The following KATNAL2 variants were observed in gnomAD, a reference collection of about 807,000 sequenced individuals.
The protein encoded by KATNAL2 is katanin catalytic subunit A1 like 2.
Under a neutral mutation model 76.3 loss-of-function variants are expected in KATNAL2, and 52 were observed. That is an observed-to-expected ratio of 0.68 (90% CI 0.55 to 0.86). The LOEUF is 0.86. KATNAL2 is among the 40% of genes least tolerant of loss of function. The probability of loss-of-function intolerance (pLI) is 0.00; values close to 1 mark genes in which losing one functional copy is unlikely to be tolerated. For missense variants in KATNAL2, 660 were observed against 668.9 expected, an observed-to-expected ratio of 0.99 and a Z score of 0.15; for synonymous variants, 243 against 244.2, an observed-to-expected ratio of 1.00 and a Z score of 0.05.
intron 15 of KATNAL2, 93 bp downstream of exon 15, chr18:47,077,554 G>A: frequency 1.2e-6 from 1 of 838,932 alleles, no homozygotes; most frequent in Middle Eastern, 2.5e-4. Flanking sequence ...GCAAAGCTGT[G>A]TTGTTTGGCT....
intron 3 of KATNAL2, chr18:47,034,802 T>C (rs1380878683): frequency 2.6e-5 from 42 of 1,612,328 alleles, no homozygotes; most frequent in Non-Finnish European, 3.4e-5. Context: ...GGGCACTTTC[T>C]CTCAGCTCTG....
intron 1 of KATNAL2, among the ~76,000 whole-genome samples, chr18:46,919,292 G>C (rs2031695826): frequency 6.6e-6 from 1 of 151,948 alleles, no homozygotes; most frequent in Non-Finnish European, 1.5e-5. Flanking sequence ...TTGGAGGCCA[G>C]CCTGACCAAC....
At position 47,058,311 on chromosome 18, in the gene KATNAL2, A is replaced by G. The variant is rs368500598; in HGVS notation, c.409A>G (p.Thr137Ala). ...RPRSKTTAGKTGDTKSLNKEH... is the reference protein window; with the variant it reads ...RPRSKTTAGKAGDTKSLNKEH... ...CCGGTCCAAAACCACAGCGGGGAAGACAGGGGACACCAAATCGCTCAATAA... is the reference window on the plus strand; with the variant it reads ...CCGGTCCAAAACCACAGCGGGGAAGGCAGGGGACACCAAATCGCTCAATAA... Residue 137 changes from threonine (T) to alanine (A), a missense_variant, in exon 7 of 18, where the codon ACA becomes GCA. Physicochemically the swap from Thr to Ala is moderately conservative, Grantham distance 58. Transcript: ENST00000683218. The G allele has an allele frequency of 3.5e-5, 56 of 1,613,908 alleles. No homozygotes were observed. The highest frequency in any genetic ancestry group is 4.7e-5 in the Non-Finnish European group (56 of 1,179,896).
At position 47,034,409 on chromosome 18, in the gene KATNAL2, C is replaced by A. The variant is rs145748811; in HGVS notation, c.52-12048C>A. ...ACACGCTGGCCGCTGCCAGCTTGCCCCCCTTCCTTGTCTGTCTTGAAGTCC... is the reference window on the plus strand; with the variant it reads ...ACACGCTGGCCGCTGCCAGCTTGCCACCCTTCCTTGTCTGTCTTGAAGTCC... On this transcript the variant is annotated intron_variant, in intron 3 of 17. Transcript: ENST00000683218. The A allele has an allele frequency of 8.7e-6, 14 of 1,614,078 alleles. No homozygotes were observed. The South Asian group carries it at 1.3e-4, about 15-fold the overall frequency.
chr18:46,928,230 T>G (rs2146530458), intron 1 of KATNAL2, among the ~76,000 whole-genome samples: 2 of 152,270 alleles, frequency 1.3e-5, no homozygotes, highest in Non-Finnish European at 2.9e-5. Context: ...CTACCTTTGG[T>G]CTTTGATGAT....
chr18:47,099,252 C>T lies in KATNAL2; in HGVS notation c.1221C>T (p.Asp407=). The T allele has an allele frequency of 1.2e-6, 2 of 1,612,854 alleles. No individual in the cohort carries two copies. The highest frequency in any genetic ancestry group is 1.7e-6 in the Non-Finnish European group (2 of 1,179,324). The part of the protein sequence containing the change: ...LAASNLPWEL[D]CAMLRRLEKR... Reference sequence around the variant, plus strand: ...TCTGGTGTGATTTCAGGGAGCTGGACTGTGCCATGTTACGCCGCCTGGAGA... The same window carrying T: ...TCTGGTGTGATTTCAGGGAGCTGGATTGTGCCATGTTACGCCGCCTGGAGA... Residue 407 remains aspartate (D), a synonymous_variant, in exon 16 of 18, where the codon GAC becomes GAT. Coordinates refer to ENST00000683218, the MANE Select transcript of KATNAL2 (RefSeq NM_001387690.1).
At position 47,047,709 on chromosome 18, in the gene KATNAL2, G is replaced by C. The variant is rs543046873; in HGVS notation, c.122+1182G>C. ...AGAAAACATGTAGGTTTCAGACTAA[G>C]AGCTTACAAACTTTTTTTTTTTTGT... On this transcript the variant is annotated intron_variant, in intron 4 of 17. Transcript: ENST00000683218. Among the ~76,000 whole-genome samples the C allele has an allele frequency of 7.1e-4, 108 of 152,006 alleles. 1 individual carries two copies. The highest frequency in any genetic ancestry group is 9.0e-4 in the Non-Finnish European group (61 of 67,976).
intron 3 of KATNAL2, among the ~76,000 whole-genome samples, chr18:47,044,761 C>CAAAAAAAA (rs34331798): frequency 1.2e-5 from 1 of 82,768 alleles, no homozygotes; most frequent in African/African-American, 4.5e-5. Context: ...GATTCCTTCT[C>CAAAAAAAA]AAAAAAAAAA....
At chr18:46,954,323 C>T (rs1429505386) in intron 3 of KATNAL2, among the ~76,000 whole-genome samples, 6 of 144,668 alleles carry the variant, frequency 4.1e-5, no homozygotes, top group South Asian at 4.4e-4. Flanking sequence ...TCTTCTTCTT[C>T]GTCTTTTTTT....
chr18:47,057,744 G>A (rs1172412623), intron 6 of KATNAL2, among the ~76,000 whole-genome samples: 1 of 152,184 alleles, frequency 6.6e-6, no homozygotes. Context: ...ATAACATGCT[G>A]AGAGGTATTT....
intron 15 of KATNAL2, among the ~76,000 whole-genome samples, chr18:47,078,455 A>T (rs1211012417): frequency 6.6e-6 from 1 of 152,222 alleles, no homozygotes; most frequent in Admixed American, 6.5e-5. Context: ...TCAGCATTTT[A>T]CAATTTGAAG....
intron 3 of KATNAL2, among the ~76,000 whole-genome samples, chr18:46,948,150 G>A (rs1017256098): frequency 2.6e-5 from 4 of 151,966 alleles, no homozygotes; most frequent in African/African-American, 7.3e-5. Context: ...TTGCTCTGTC[G>A]CCCAGGCTGG....
At chr18:47,084,847 T>TAAAAAAAAAAAAAAAAAAA (rs34034453) in intron 15 of KATNAL2, among the ~76,000 whole-genome samples, 1 of 25,534 alleles carries the variant, frequency 3.9e-5, no homozygotes, top group Non-Finnish European at 6.5e-5. Context: ...AGACTCTGTC[T>TAAAAAAAAAAAAAAAAAAA]AAAAAAAAAA....
Position 47,063,074 on chromosome 18 carries a change from A to G in KATNAL2, c.648+4A>G. On this transcript the variant is annotated splice_donor_region_variant and intron_variant, in intron 9 of 17. Coordinates refer to ENST00000683218, the MANE Select transcript of KATNAL2 (RefSeq NM_001387690.1). ...CGACCATAATCCAGACCCCTCAGTAAGTGGCGAAGATGTGACATTCATCTT... is the reference window on the plus strand; with the variant it reads ...CGACCATAATCCAGACCCCTCAGTAGGTGGCGAAGATGTGACATTCATCTT... 2 of 1,612,060 alleles carry G rather than the reference A, an allele frequency of 1.2e-6. No homozygotes were observed. Among genetic ancestry groups the G allele is most frequent in the Non-Finnish European group, 1.7e-6 (2 of 1,178,178 alleles).
chr18:46,923,413 T>A (rs1395845570), intron 1 of KATNAL2, among the ~76,000 whole-genome samples: 1 of 152,124 alleles, frequency 6.6e-6, no homozygotes. Flanking sequence ...TCATTTTTTA[T>A]GGCTGCATAG....
At chr18:47,066,882 T>TATATATAA (rs2061824463) in intron 10 of KATNAL2, 139 bp from the exon 11 acceptor site, 1 of 63,074 alleles carries the variant, frequency 1.6e-5, no homozygotes, top group Non-Finnish European at 3.7e-5. Flanking sequence ...TATATATATA[T>TATATATAA]ATATATATAT....
At chr18:47,065,992 TAAAAAATTTAA>T (rs1161753747) in intron 10 of KATNAL2, among the ~76,000 whole-genome samples, 1 of 151,266 alleles carries the variant, frequency 6.6e-6, no homozygotes, top group Admixed American at 6.6e-5. Context: ...AATAAAAATT[TAAAAAATTTAA>T]AAAAAATTTT....
chr18:47,040,606 C>T (rs1368979796), intron 3 of KATNAL2, among the ~76,000 whole-genome samples: 1 of 152,010 alleles, frequency 6.6e-6, no homozygotes, highest in African/African-American at 2.4e-5. Context: ...AATAAGTTAT[C>T]AGCTTACATG....
chr18:47,042,531 A>G (rs2060997091), intron 3 of KATNAL2, among the ~76,000 whole-genome samples: 1 of 152,216 alleles, frequency 6.6e-6, no homozygotes, highest in Non-Finnish European at 1.5e-5. Context: ...ACTTTAAATC[A>G]TAAGATAATA....
Sources: gnomAD v4.1 joint callset for allele counts (sites outside exome capture counted in the v4.1 genomes callset) on GRCh38, gnomAD v4.1.1 for gene constraint, MANE v1.5 for transcripts, NCBI Gene and HGNC (gene_info 2026-07-23, HGNC 2026-07-21) for gene names.